NOX3: variants seen among roughly 807,000 people sequenced by gnomAD.
NOX3 encodes the protein NADPH oxidase 3, also known as NADPH oxidase catalytic subunit-like 3.
NOX3 carries 74 observed loss-of-function variants against 76.7 expected under a neutral mutation model. That is an observed-to-expected ratio of 0.96 (90% CI 0.80 to 1.17). The LOEUF (loss-of-function observed/expected upper bound fraction) is 1.17. Among genes scored for constraint, NOX3 ranks in the 50% most tolerant of loss-of-function variants. The pLI, the probability that NOX3 is intolerant of heterozygous loss-of-function variation, is 0.00. For synonymous variants in NOX3, 263 were observed against 261.1 expected, an observed-to-expected ratio of 1.01 and a Z score of -0.07; for missense variants, 695 against 703.3, an observed-to-expected ratio of 0.99 and a Z score of 0.13.
rs1776906415 is a variant in NOX3, at chr6:155,436,526, G to C, written c.690C>G (p.Thr230=). The C allele has an allele frequency of 6.2e-7, 1 of 1,613,826 alleles. No individual in the cohort carries two copies. Among genetic ancestry groups the C allele is most frequent in the Admixed American group, 1.7e-5 (1 of 59,934 alleles). Residue 230 remains threonine, a synonymous_variant, in exon 7 of 14, where the codon ACC becomes ACG. Transcript: ENST00000159060. Reference sequence around the variant, plus strand: ...TGTTGTGCAGAGAGAGACTGTCTTGGGTTTGGCCTCGAACAATCCGACTTG... The same window carrying C: ...TGTTGTGCAGAGAGAGACTGTCTTGCGTTTGGCCTCGAACAATCCGACTTG... ...HGTGRIVRGQ[T]QDSLSLHNIT... is the part of the protein sequence containing the mutation.
chr6:155,425,208 C>A (rs1056537503), intron 9 of NOX3, among the ~76,000 whole-genome samples: 10 of 152,146 alleles, frequency 6.6e-5, no homozygotes, highest in African/African-American at 2.4e-4. Context: ...TCCTTTTTGG[C>A]ATCTCAGGCC....
At chr6:155,401,580 T>A (rs1421397614) in intron 12 of NOX3, among the ~76,000 whole-genome samples, 2 of 152,180 alleles carry the variant, frequency 1.3e-5, no homozygotes, top group African/African-American at 4.8e-5. Flanking sequence ...ATGGACACAT[T>A]TACTCAATTT....
chr6:155,422,779 C>G lies in NOX3; in HGVS notation c.1223G>C (p.Gly408Ala). 6.2e-7 allele frequency: 1 copy of G among 1,614,174 alleles called. No individual in the cohort carries two copies. The change falls in exon 10 of 14, where the codon GGG (glycine) becomes GCG (alanine). Residue 408 changes from glycine to alanine, a missense_variant. Gly to Ala is a moderately conservative substitution (Grantham distance 60). Coordinates refer to ENST00000159060, the MANE Select transcript of NOX3 (RefSeq NM_015718.3). ...AGCAGCGAAGGGAGTGACTCCGATCCCCGCGGCAACGCACACACACACTGG... is the reference window on the plus strand; with the variant it reads ...AGCAGCGAAGGGAGTGACTCCGATCGCCGCGGCAACGCACACACACACTGG... ...HYPVCVCVAA[G>A]IGVTPFAALL... is the part of the protein sequence containing the mutation.
chr6:155,436,597 C>T, intron 6 of NOX3, 50 bp from the exon 7 acceptor site: 1 of 1,608,448 alleles, frequency 6.2e-7, no homozygotes, highest in South Asian at 1.1e-5. Flanking sequence ...AAACGTCAAA[C>T]TGATTTTGAG....
chr6:155,412,502 A>G (rs11759841), intron 10 of NOX3, among the ~76,000 whole-genome samples: 40,352 of 152,056 alleles, frequency 0.27, 6,230 homozygotes, highest in African/African-American at 0.42. Flanking sequence ...CTTCTTTCAA[A>G]AACTGGGCCC....
At chr6:155,406,465 G>A (rs115031009) in intron 12 of NOX3, among the ~76,000 whole-genome samples, 2,515 of 152,126 alleles carry the variant, frequency 0.017, 76 homozygotes, top group African/African-American at 0.057. Flanking sequence ...AATAATAATA[G>A]TAATAATGGA....
chr6:155,418,791 G>A (rs902905927), intron 10 of NOX3, among the ~76,000 whole-genome samples: 1 of 152,206 alleles, frequency 6.6e-6, no homozygotes, highest in Non-Finnish European at 1.5e-5. Flanking sequence ...AGTTTGCAAC[G>A]GTGACAATTG....
At chr6:155,455,389 C>T (rs1035422023) in intron 1 of NOX3, among the ~76,000 whole-genome samples, 17 of 152,238 alleles carry the variant, frequency 1.1e-4, no homozygotes, top group African/African-American at 2.2e-4. Flanking sequence ...TCTTAATCAA[C>T]GTTGCTTGAC....
At chr6:155,436,634 T>G in intron 6 of NOX3, 87 bp from the exon 7 acceptor site, 3 of 1,371,854 alleles carry the variant, frequency 2.2e-6, no homozygotes, top group Non-Finnish European at 3.0e-6. Flanking sequence ...CAGGTATATA[T>G]CCTACAGTGA....
At chr6:155,441,865 T>C (rs1345419316) in intron 5 of NOX3, among the ~76,000 whole-genome samples, 1 of 152,138 alleles carries the variant, frequency 6.6e-6, no homozygotes, top group Non-Finnish European at 1.5e-5. Context: ...CCTAGACAAA[T>C]GCTGTGATTC....
At chr6:155,416,199 G>A (rs980810147) in intron 10 of NOX3, among the ~76,000 whole-genome samples, 1 of 152,218 alleles carries the variant, frequency 6.6e-6, no homozygotes, top group South Asian at 2.1e-4. Context: ...GCACGCCTCT[G>A]TACCCCACAC....
intron 9 of NOX3, 34 bp from the exon 10 acceptor site, chr6:155,422,890 T>C (rs773093118): frequency 5.0e-6 from 8 of 1,610,466 alleles, no homozygotes; most frequent in Non-Finnish European, 5.9e-6. Flanking sequence ...CTATTTGACC[T>C]TCAGAACACC....
chr6:155,454,995 T>C, intron 2 of NOX3, 39 bp downstream of exon 2: 1 of 1,580,756 alleles, frequency 6.3e-7, no homozygotes. Context: ...TGCATTTTGT[T>C]TTCTGAAAAA....
intron 7 of NOX3, among the ~76,000 whole-genome samples, chr6:155,434,996 G>A (rs1038403440): frequency 6.6e-6 from 1 of 152,172 alleles, no homozygotes; most frequent in African/African-American, 2.4e-5. Flanking sequence ...GCAGTGAAGC[G>A]CAGGAACCCT....
rs397971562 is a variant in NOX3, at chr6:155,419,867, AT to A, written c.1308+2826del. On this transcript the variant is annotated intron_variant, in intron 10 of 13. Coordinates refer to ENST00000159060, the MANE Select transcript of NOX3 (RefSeq NM_015718.3). ...GGAATTTAGTAAAAATCATTGAAGA[AT>A]TTTTTTGGTTACATAAACAAAACCT... Among the ~76,000 whole-genome samples the A allele has an allele frequency of 2.6e-4, 39 of 152,236 alleles. No homozygotes were observed. In the East Asian group the frequency reaches 6.6e-3, roughly 26 times the overall value.
Position 155,455,686 on chromosome 6 carries a change from G to C in NOX3, c.48+67C>G. 7.6e-6 allele frequency: 10 copies of C among 1,316,688 alleles called. No individual in the cohort carries two copies. The South Asian group carries it at 1.2e-4, about 16-fold the overall frequency. The allele number at this position is 1,316,688 out of a possible 1,614,324, so 81.6% of individuals were successfully genotyped here. A position where few individuals can be genotyped will look rare whatever the true frequency, so the allele number is the denominator to read the frequency against. On this transcript the variant is annotated intron_variant, in intron 1 of 13. Coordinates refer to ENST00000159060, the MANE Select transcript of NOX3 (RefSeq NM_015718.3). ...CAAGCTATTTAGCGTTCCTATACAAGTTTTCCTAAAAATCAAAGACTATTC... is the reference window on the plus strand; with the variant it reads ...CAAGCTATTTAGCGTTCCTATACAACTTTTCCTAAAAATCAAAGACTATTC...
chr6:155,404,810 C>A (rs1056069311), intron 12 of NOX3, among the ~76,000 whole-genome samples: 5 of 152,074 alleles, frequency 3.3e-5, no homozygotes, highest in African/African-American at 7.2e-5. Context: ...GAGCACAGGG[C>A]AGTTGAGGTC....
rs759580659 is a variant in NOX3 at position 155,440,044 on chromosome 6, A to G, written c.580T>C (p.Phe194Leu). ...AACTCATAGGAGGCCTGTCTGATGAACTCAGTTGACGAGGTCATGATCAAG... is the reference window on the plus strand; with the variant it reads ...AACTCATAGGAGGCCTGTCTGATGAGCTCAGTTGACGAGGTCATGATCAAG... ...LVLIMTSSTE[F>L]IRQASYELFW... Residue 194 changes from phenylalanine to leucine, a missense_variant, in exon 6 of 14, where the codon TTC becomes CTC. By Grantham distance (22) the Phe-to-Leu change is conservative. Coordinates refer to ENST00000159060, the MANE Select transcript of NOX3 (RefSeq NM_015718.3). The G allele has an allele frequency of 6.2e-7, 1 of 1,613,758 alleles. No individual in the cohort carries two copies. The highest frequency in any genetic ancestry group is 8.5e-7 in the Non-Finnish European group (1 of 1,179,876).
chr6:155,440,836 A>C (rs1776975139), intron 5 of NOX3, among the ~76,000 whole-genome samples: 1 of 150,104 alleles, frequency 6.7e-6, no homozygotes, highest in Non-Finnish European at 1.5e-5. Context: ...TTGCATTTTA[A>C]CATTAATAAA....
Sources: gnomAD v4.1 joint callset for allele counts (sites outside exome capture counted in the v4.1 genomes callset) on GRCh38, gnomAD v4.1.1 for gene constraint, MANE v1.5 for transcripts, NCBI Gene and HGNC (gene_info 2026-07-23, HGNC 2026-07-21) for gene names.